OLR1: variants seen among roughly 807,000 people sequenced by gnomAD.
The protein encoded by OLR1 is oxidized low-density lipoprotein receptor 1.
A neutral mutation model predicts 31.7 loss-of-function variants in OLR1; 23 were observed. The observed-to-expected ratio is 0.72, with a 90% CI of 0.52 to 1.03. The LOEUF is 1.03. Among genes scored for constraint, OLR1 ranks in the 50% least tolerant of loss-of-function variants. The pLI, the probability that OLR1 is intolerant of heterozygous loss-of-function variation, is 0.00. For synonymous variants in OLR1, 117 were observed against 115.8 expected, an observed-to-expected ratio of 1.01 and a Z score of -0.07; for missense variants, 286 against 315.7, an observed-to-expected ratio of 0.91 and a Z score of 0.71.
In OLR1 at chr12:10,160,591, C is replaced by G. The variant is rs546545605; in HGVS notation, c.565-129G>C. On this transcript the variant is annotated intron_variant, in intron 4 of 5. Transcript: ENST00000309539. ...CTTTGACATCCCCTTGACTGTTTTA[C>G]GGAAACACTTACTGAAGGCTAGAGA... 22 of 978,242 alleles carry G rather than the reference C, an allele frequency of 2.2e-5. No individual in the cohort carries two copies. In the African/African-American group the frequency reaches 3.3e-4, roughly 14 times the overall value. 60.6% of individuals were successfully genotyped at this position (978,242 alleles called of 1,614,324 possible).
rs969597132 is a variant in OLR1 at position 10,159,128 on chromosome 12, A to T, written c.*752T>A. The T allele has an allele frequency of 1.3e-5, 2 of 152,218 alleles. No homozygotes were observed. Among genetic ancestry groups the T allele is most frequent in the African/African-American group, 4.8e-5 (2 of 41,448 alleles). The allele number at this position is 152,218 out of a possible 1,614,324, so 9.4% of individuals were successfully genotyped here. A position where few individuals can be genotyped will look rare whatever the true frequency, so the allele number is the denominator to read the frequency against. Reference sequence around the variant, plus strand: ...CCACACATCCCATGATTCTAACAAGAACTGTTGTGAAGGGTTAAATCTATT... The same window carrying T: ...CCACACATCCCATGATTCTAACAAGTACTGTTGTGAAGGGTTAAATCTATT... On this transcript the variant is annotated 3_prime_UTR_variant, in exon 6 of 6. Coordinates refer to ENST00000309539, the MANE Select transcript of OLR1 (RefSeq NM_002543.4).
At chr12:10,169,489 T>TAG (rs1481516415) in intron 1 of OLR1, among the ~76,000 whole-genome samples, 1 of 152,214 alleles carries the variant, frequency 6.6e-6, no homozygotes, top group Non-Finnish European at 1.5e-5. Context: ...GCTTATACTT[T>TAG]ATCTACTTTC....
In OLR1 at chr12:10,160,468, G is replaced by T; in HGVS notation, c.565-6C>A. The T allele has an allele frequency of 1.2e-6, 2 of 1,600,522 alleles. No individual in the cohort carries two copies. Among genetic ancestry groups the T allele is most frequent in the Non-Finnish European group, 1.7e-6 (2 of 1,169,242 alleles). ...ATTGCTTGCTGGATGAAGTCCTGTG[G>T]GGAGTAATGTTTCTGAGTTTGTGGA... On this transcript the variant is annotated splice_region_variant and splice_polypyrimidine_tract_variant and intron_variant, in intron 4 of 5. Transcript: ENST00000309539.
At chr12:10,168,295 TG>T (rs1565422130) in intron 2 of OLR1, among the ~76,000 whole-genome samples, 9 of 151,488 alleles carry the variant, frequency 5.9e-5, no homozygotes, top group African/African-American at 2.2e-4. Flanking sequence ...TTATTTTAAA[TG>T]TTTTATTTAT....
rs11053646 is a variant in OLR1 at position 10,160,849 on chromosome 12, C to G, written c.501G>C (p.Lys167Asn). 164,292 of 1,613,828 alleles carry G rather than the reference C, an allele frequency of 0.1. 10,148 individuals carry two copies. The highest frequency in any genetic ancestry group is 0.22 in the African/African-American group (16,214 of 74,962). The change falls in exon 4 of 6, where the codon AAG (lysine) becomes AAC (asparagine). Residue 167 changes from lysine to asparagine, a missense_variant. Transcript: ENST00000309539. ...LFSSGSFNWE[K>N]SQEKCLSLDA... ...CCAAAGACAAGCACTTCTCTTGGCT[C>G]TTTTCCCAGTTAAATGAGCCCGAGG...
intron 3 of OLR1, among the ~76,000 whole-genome samples, chr12:10,161,661 G>A (rs35146920): frequency 0.038 from 5,739 of 152,110 alleles, 368 homozygotes; most frequent in African/African-American, 0.13. Context: ...TCCTGCCTCA[G>A]CCTCCCAAAG....
intron 2 of OLR1, chr12:10,167,774 T>C (rs1486252393): frequency 6.6e-6 from 1 of 152,128 alleles, no homozygotes; most frequent in Non-Finnish European, 1.5e-5. Flanking sequence ...CTTTTCTTTT[T>C]TTTTTCCCCT....
At position 10,169,191 on chromosome 12, in the gene OLR1, A is replaced by G; in HGVS notation, c.77-16T>C. ...AACTGAAGACCTAGAGTGACAGAGG[A>G]TAGAATCAGAAAGACAAAAAAGAGT... On this transcript the variant is annotated splice_polypyrimidine_tract_variant and intron_variant, in intron 1 of 5. Coordinates refer to ENST00000309539, the MANE Select transcript of OLR1 (RefSeq NM_002543.4). 6.3e-7 allele frequency: 1 copy of G among 1,580,888 alleles called. No homozygotes were observed. The highest frequency in any genetic ancestry group is 8.6e-7 in the Non-Finnish European group (1 of 1,157,900).
At chr12:10,161,556 G>A (rs35743778) in intron 3 of OLR1, among the ~76,000 whole-genome samples, 351 of 152,182 alleles carry the variant, frequency 2.3e-3, no homozygotes, top group African/African-American at 8.1e-3. Flanking sequence ...TAGAAATATA[G>A]CTAGTTTGCA....
chr12:10,160,561 G>A, intron 4 of OLR1, 99 bp from the exon 5 acceptor site: 1 of 1,059,948 alleles, frequency 9.4e-7, no homozygotes, highest in Non-Finnish European at 1.4e-6. Context: ...AGAACCAAAA[G>A]GTATCTTTGA....
At chr12:10,160,578 C>A in intron 4 of OLR1, 116 bp from the exon 5 acceptor site, 1 of 991,788 alleles carries the variant, frequency 1.0e-6, no homozygotes, top group Non-Finnish European at 1.5e-6. Context: ...TTGACATCCC[C>A]TTGACTGTTT....
At chr12:10,163,289 G>A (rs894659061) in intron 3 of OLR1, among the ~76,000 whole-genome samples, 10 of 152,082 alleles carry the variant, frequency 6.6e-5, no homozygotes, top group African/African-American at 2.4e-4. Flanking sequence ...AAAACCATTT[G>A]AGGAAGTGTT....
In OLR1 at chr12:10,158,548, CA is replaced by C. The variant is rs1248700005; in HGVS notation, c.*1331del. 7.9e-5 allele frequency: 12 copies of C among 151,702 alleles called. No individual in the cohort carries two copies. The highest frequency in any genetic ancestry group is 2.9e-4 in the African/African-American group (12 of 41,284). 9.4% of individuals were successfully genotyped at this position (151,702 alleles called of 1,614,324 possible). ...ATATGATTCCATTCACATAAAACTA[CA>C]AAATGCAAAATGAAAGCCGATTGGT... On this transcript the variant is annotated 3_prime_UTR_variant, in exon 6 of 6. Transcript: ENST00000309539.
At chr12:10,163,139 A>G (rs1277184838) in intron 3 of OLR1, among the ~76,000 whole-genome samples, 1 of 152,194 alleles carries the variant, frequency 6.6e-6, no homozygotes, top group Non-Finnish European at 1.5e-5. Context: ...AACTCATTTA[A>G]TCCTCACAGT....
chr12:10,168,104 A>G (rs1235959323), intron 2 of OLR1, among the ~76,000 whole-genome samples: 3 of 152,180 alleles, frequency 2.0e-5, no homozygotes, highest in African/African-American at 4.8e-5. Context: ...TGGCCATAAT[A>G]ACCTGGATCC....
chr12:10,167,239 A>G, intron 2 of OLR1: 1 of 286,498 alleles, frequency 3.5e-6, no homozygotes, highest in Non-Finnish European at 6.8e-6. Context: ...GCACTTTGGG[A>G]GGCCGAGGCA....
rs1367116272 is a variant in OLR1 at position 10,159,518 on chromosome 12, T to A, written c.*362A>T. 1 of 165,744 alleles carries A rather than the reference T, an allele frequency of 6.0e-6. No homozygotes were observed. Among genetic ancestry groups the A allele is most frequent in the African/African-American group, 2.4e-5 (1 of 41,984 alleles). 10.3% of individuals were successfully genotyped at this position (165,744 alleles called of 1,614,324 possible). On this transcript the variant is annotated 3_prime_UTR_variant, in exon 6 of 6. Transcript: ENST00000309539. ...CCTGCACTTGAGCAAGTTCTCCATG[T>A]TCTGTCTTTCATGCAATTTTAGGAG...
In OLR1 at chr12:10,166,967, A is replaced by G; in HGVS notation, c.179-10T>C. Reference sequence around the variant, plus strand: ...TCAGACACCTGGGATACTGAATCACAGTTGCATTAAGACTCTAGTTCTAAT... The same window carrying G: ...TCAGACACCTGGGATACTGAATCACGGTTGCATTAAGACTCTAGTTCTAAT... On this transcript the variant is annotated splice_polypyrimidine_tract_variant and intron_variant, in intron 2 of 5. Transcript: ENST00000309539. The G allele has an allele frequency of 6.2e-7, 1 of 1,610,538 alleles. No individual in the cohort carries two copies. Among genetic ancestry groups the G allele is most frequent in the Non-Finnish European group, 8.5e-7 (1 of 1,178,942 alleles).
In OLR1 at chr12:10,160,290, G is replaced by A. The variant is rs1948609021; in HGVS notation, c.680+57C>T. On this transcript the variant is annotated intron_variant, in intron 5 of 5. Coordinates refer to ENST00000309539, the MANE Select transcript of OLR1 (RefSeq NM_002543.4). ...ATGCAGGCAGTGACCTCACTAGCAG[G>A]TTCAGCAAAGAATAGGAAACTGACG... The A allele has an allele frequency of 3.6e-6, 5 of 1,376,754 alleles. No homozygotes were observed. In the South Asian group the frequency reaches 6.1e-5, roughly 17 times the overall value. 85.3% of individuals were successfully genotyped at this position (1,376,754 alleles called of 1,614,324 possible).
Sources: gnomAD v4.1 joint callset for allele counts (sites outside exome capture counted in the v4.1 genomes callset) on GRCh38, gnomAD v4.1.1 for gene constraint, MANE v1.5 for transcripts, NCBI Gene and HGNC (gene_info 2026-07-23, HGNC 2026-07-21) for gene names.